The following ARSG variants were observed in gnomAD, a reference collection of about 807,000 sequenced individuals.
ARSG encodes the protein ASG.
In ARSG, 37 loss-of-function variants were observed where a neutral mutation model predicts 50.5. The ratio of observed to expected loss-of-function variants is 0.73; its 90% confidence interval spans 0.56 to 0.96. ARSG has a LOEUF of 0.96. Ranked by LOEUF, ARSG falls within the 50% of genes least tolerant of loss-of-function variation. ARSG has a pLI of 0.00. For missense variants in ARSG, 629 were observed against 675.3 expected (o/e 0.93, Z 0.76); for synonymous variants, 225 against 254.6 (o/e 0.88, Z 1.11).
At chr17:68,262,092 G>A (rs2075079681) in intron 1 of ARSG, among the ~76,000 whole-genome samples, 1 of 151,232 alleles carries the variant, frequency 6.6e-6, no homozygotes, top group African/African-American at 2.4e-5. Flanking sequence ...GGAGGCGGAG[G>A]TTGCAGTGAG....
At chr17:68,397,053 T>C (rs8078085) in intron 10 of ARSG, among the ~76,000 whole-genome samples, 13,689 of 152,240 alleles carry the variant, frequency 0.09, 1,495 homozygotes, top group African/African-American at 0.26. Flanking sequence ...TCCTTGACGT[T>C]GTCGGTACTG....
chr17:68,443,402 C>T, the ARSG span, among the ~76,000 whole-genome samples: 12,615 of 152,218 alleles, frequency 0.083, 699 homozygotes, highest in South Asian at 0.21. Context: ...TGTGAGCCAC[C>T]GCACCCGGCT....
intron 9 of ARSG, among the ~76,000 whole-genome samples, chr17:68,392,577 GC>G (rs2081045634): frequency 6.6e-6 from 1 of 152,288 alleles, no homozygotes; most frequent in Admixed American, 6.5e-5. Context: ...TCGGCTCACT[GC>G]AACCTCCACC....
chr17:68,262,428 A>G lies in ARSG; in HGVS notation c.-552+3002A>G, dbSNP rs1412145459. Among the ~76,000 whole-genome samples the G allele has an allele frequency of 1.7e-4, 26 of 152,056 alleles. 1 individual carries two copies. Among genetic ancestry groups the G allele is most frequent in the Non-Finnish European group, 2.9e-4 (20 of 67,968 alleles). The stretch of plus-strand genomic sequence containing the variant: ...GGAGGTTGCAGTGAGCCAAGATTGC[A>G]CCACTGCACTCCAACCTGGGCGACA... On this transcript the variant is annotated intron_variant, in intron 1 of 11. Transcript: ENST00000448504.
intron 9 of ARSG, among the ~76,000 whole-genome samples, chr17:68,393,551 G>A (rs1568568907): frequency 2.0e-5 from 3 of 152,146 alleles, no homozygotes; most frequent in Admixed American, 6.5e-5. Flanking sequence ...TCCTTTAAGT[G>A]AAAGGTGAAG....
chr17:68,443,803 G>A, the ARSG span, among the ~76,000 whole-genome samples: 1 of 152,194 alleles, frequency 6.6e-6, no homozygotes, highest in Admixed American at 6.5e-5. Flanking sequence ...TTAATCTGGA[G>A]TCATTAAATG....
At chr17:68,389,743 T>A (rs139134774) in intron 9 of ARSG, among the ~76,000 whole-genome samples, 1 of 152,122 alleles carries the variant, frequency 6.6e-6, no homozygotes, top group Non-Finnish European at 1.5e-5. Context: ...TCTCGCTTCC[T>A]GTCCTTAGAT....
At chr17:68,305,473 T>A (rs1255593693) in intron 1 of ARSG, among the ~76,000 whole-genome samples, 1 of 152,212 alleles carries the variant, frequency 6.6e-6, no homozygotes, top group East Asian at 1.9e-4. Flanking sequence ...CAGCCTTACC[T>A]ACTGAATCTG....
chr17:68,402,808 A>AG (rs2081537498), intron 11 of ARSG, among the ~76,000 whole-genome samples: 1 of 152,218 alleles, frequency 6.6e-6, no homozygotes. Context: ...TACAGGCATG[A>AG]GCCACCTTGC....
chr17:68,425,561 C>T (rs916428177), downstream of ARSG, among the ~76,000 whole-genome samples: 1 of 151,846 alleles, frequency 6.6e-6, no homozygotes. Flanking sequence ...TGGGGAGGTG[C>T]GGGTCTGCCG....
At chr17:68,405,470 C>T (rs1201956804) in intron 11 of ARSG, among the ~76,000 whole-genome samples, 3 of 152,040 alleles carry the variant, frequency 2.0e-5, no homozygotes, top group African/African-American at 7.2e-5. Flanking sequence ...TTCACAATTT[C>T]GTTTTCAGAT....
At chr17:68,395,587 C>T (rs1304817568) in intron 10 of ARSG, among the ~76,000 whole-genome samples, 2 of 152,346 alleles carry the variant, frequency 1.3e-5, no homozygotes, top group Admixed American at 1.3e-4. Flanking sequence ...GAGCCTCTTT[C>T]TACCCCCAAC....
downstream of ARSG, chr17:68,421,739 G>A (rs1299377578): frequency 1.2e-6 from 2 of 1,614,080 alleles, no homozygotes; most frequent in African/African-American, 1.3e-5. Flanking sequence ...CACCTGATAG[G>A]GGGGATGTCC....
chr17:68,427,452 G>GTTCAAGCGATTCTCCTGCC (rs1258071538), downstream of ARSG: 4 of 389,436 alleles, frequency 1.0e-5, no homozygotes, highest in African/African-American at 8.4e-5. Flanking sequence ...CGCCTCCTGG[G>GTTCAAGCGATTCTCCTGCC]TTCAAGCGAT....
At chr17:68,412,683 G>A (rs977018781) in intron 11 of ARSG, among the ~76,000 whole-genome samples, 16 of 152,014 alleles carry the variant, frequency 1.1e-4, no homozygotes, top group African/African-American at 3.9e-4. Context: ...GCTAGATTGG[G>A]GAAGTTCTCC....
chr17:68,275,731 C>G (rs1253026682), intron 1 of ARSG, among the ~76,000 whole-genome samples: 1 of 151,982 alleles, frequency 6.6e-6, no homozygotes, highest in Non-Finnish European at 1.5e-5. Context: ...CCTGTAAATC[C>G]AGCACTTTGG....
At chr17:68,392,978 G>T (rs1391739830) in intron 9 of ARSG, among the ~76,000 whole-genome samples, 1 of 152,188 alleles carries the variant, frequency 6.6e-6, no homozygotes, top group Non-Finnish European at 1.5e-5. Flanking sequence ...TAAGCCAATG[G>T]CTGTCACCAA....
chr17:68,315,130 G>A (rs1729717885), intron 2 of ARSG, among the ~76,000 whole-genome samples: 2 of 152,198 alleles, frequency 1.3e-5, no homozygotes, highest in Admixed American at 1.3e-4. Flanking sequence ...GAGTGGCCAA[G>A]CCAATATTCA....
At chr17:68,298,692 A>G (rs763435460) in intron 1 of ARSG, among the ~76,000 whole-genome samples, 7 of 151,890 alleles carry the variant, frequency 4.6e-5, no homozygotes, top group Non-Finnish European at 8.8e-5. Context: ...TATTGTTTAC[A>G]GTTCTGGAGG....
Sources: gnomAD v4.1 joint callset for allele counts (sites outside exome capture counted in the v4.1 genomes callset) on GRCh38, gnomAD v4.1.1 for gene constraint, MANE v1.5 for transcripts, NCBI Gene and HGNC (gene_info 2026-07-23, HGNC 2026-07-21) for gene names.